The following C15orf40 variants were observed in gnomAD, a reference collection of about 807,000 sequenced individuals.
The protein encoded by C15orf40 is UPF0235 protein C15orf40.
A neutral mutation model predicts 13.9 loss-of-function variants in C15orf40; 9 were observed. The ratio of observed to expected loss-of-function variants is 0.65; its 90% confidence interval spans 0.39 to 1.13. The LOEUF (loss-of-function observed/expected upper bound fraction) is 1.13, where lower values mean the gene tolerates loss of function less well. C15orf40 is among the 50% of genes most tolerant of loss of function. The probability of loss-of-function intolerance (pLI) is 0.01; values close to 1 mark genes in which losing one functional copy is unlikely to be tolerated. For missense variants in C15orf40, 225 were observed against 188.5 expected (o/e 1.19, Z -1.13); for synonymous variants, 95 against 69.2 (o/e 1.37, Z -1.85).
At chr15:83,007,717 C>A (rs1052577347) in intron 3 of C15orf40, 7 of 150,814 alleles carry the variant, frequency 4.6e-5, no homozygotes, top group African/African-American at 1.7e-4. Flanking sequence ...ATGATGAAAC[C>A]CCGTCTCTAC....
At position 83,010,335 on chromosome 15, in the gene C15orf40, C is replaced by G; in HGVS notation, c.140G>C (p.Arg47Thr). Residue 47 changes from arginine to threonine, a missense_variant, in exon 2 of 4, where the codon AGA (arginine) becomes ACA (threonine). Transcript: ENST00000304177. ...KGKSQSKEPE[R>T]PLPPLGPVAV... ...CACAGGACCTAAGGGAGGAAGTGGT[C>G]TCTCTGGTTCCTTGCTCTGGCTTTT... is the stretch of plus-strand genomic sequence containing the variant. The G allele has an allele frequency of 6.2e-7, 1 of 1,614,146 alleles. No homozygotes were observed. Among genetic ancestry groups the G allele is most frequent in the Admixed American group, 1.7e-5 (1 of 60,030 alleles).
chr15:83,008,614 A>G lies in C15orf40; in HGVS notation c.300T>C (p.Asn100=). ...TGGAAAGATACCGACAGAGCTCAGC[A>G]TTAGCCTCTCCCTCTGATGGAGGTG... ...IAAPPSEGEA[N]AELCRYLSKV... is the part of the protein sequence containing the mutation. Residue 100 remains asparagine, a synonymous_variant, in exon 3 of 4, where the codon AAT becomes AAC. Coordinates refer to ENST00000304177, the MANE Select transcript of C15orf40 (RefSeq NM_144597.3). The G allele has an allele frequency of 6.2e-7, 1 of 1,614,018 alleles. No individual in the cohort carries two copies. Among genetic ancestry groups the G allele is most frequent in the Non-Finnish European group, 8.5e-7 (1 of 1,180,000 alleles).
chr15:82,992,574 A>C (rs1053502508), downstream of C15orf40, among the ~76,000 whole-genome samples: 2 of 151,912 alleles, frequency 1.3e-5, no homozygotes, highest in African/African-American at 4.9e-5. Flanking sequence ...ACTGACCAGT[A>C]GTTGGGACAG....
rs920196457 is a variant in C15orf40, at chr15:83,000,514, C to T, written c.*5083G>A. 2.6e-5 allele frequency: 4 copies of T among 152,302 alleles called. No homozygotes were observed. The highest frequency in any genetic ancestry group is 4.1e-4 in the South Asian group (2 of 4,824). The allele number at this position is 152,302 out of a possible 1,614,324, so 9.4% of individuals were successfully genotyped here. On this transcript the variant is annotated 3_prime_UTR_variant, in exon 4 of 4. Transcript: ENST00000304177. ...CGAGAAGGATCACAGCATGTGAGCC[C>T]GTAGTCAGGCACTGCAGACTACCTA...
At chr15:83,007,188 T>C (rs1245058248) in intron 3 of C15orf40, among the ~76,000 whole-genome samples, 1 of 152,212 alleles carries the variant, frequency 6.6e-6, no homozygotes, top group Admixed American at 6.5e-5. Flanking sequence ...ACCATATTAA[T>C]GACATCATAT....
At chr15:83,009,327 C>T (rs1567095189) in intron 2 of C15orf40, among the ~76,000 whole-genome samples, 1 of 152,160 alleles carries the variant, frequency 6.6e-6, no homozygotes, top group Non-Finnish European at 1.5e-5. Context: ...ACAAATGAGC[C>T]ATGGCATCCA....
At chr15:82,991,901 C>T, downstream of C15orf40, 3 of 1,289,024 alleles carry the variant, frequency 2.3e-6, no homozygotes, top group South Asian at 3.7e-5. Context: ...AGAATCTTCT[C>T]TGAAAGCAGA....
downstream of C15orf40, chr15:82,991,939 G>A (rs1323726719): frequency 7.8e-7 from 1 of 1,288,258 alleles, no homozygotes; most frequent in Admixed American, 2.3e-5. Flanking sequence ...CACCTGGTTG[G>A]GTATGGTGGC....
Position 83,010,354 on chromosome 15 carries a change from G to C in C15orf40, c.121C>G (p.Gln41Glu). ...AGTGGTCTCTCTGGTTCCTTGCTCT[G>C]GCTTTTACCCTAAAATGACAACCAC... ...KAGATTKGKSQSKEPERPLPP... is the reference protein window; with the variant it reads ...KAGATTKGKSESKEPERPLPP... The change falls in exon 2 of 4, where the codon CAG becomes GAG. Residue 41 changes from glutamine to glutamate, a missense_variant. By Grantham distance (29) the Gln-to-Glu change is conservative. Coordinates refer to ENST00000304177, the MANE Select transcript of C15orf40 (RefSeq NM_144597.3). The C allele has an allele frequency of 6.2e-7, 1 of 1,614,144 alleles. No homozygotes were observed. Among genetic ancestry groups the C allele is most frequent in the East Asian group, 2.2e-5 (1 of 44,882 alleles).
chr15:83,010,132 G>A (rs2031913579), intron 2 of C15orf40, 105 bp downstream of exon 2: 1 of 1,455,396 alleles, frequency 6.9e-7, no homozygotes, highest in Non-Finnish European at 9.3e-7. Context: ...CTGCAGATGT[G>A]AAAAATCAAC....
At position 82,995,927 on chromosome 15, in the gene C15orf40, T is replaced by C. The variant is rs549591005; in HGVS notation, c.*9670A>G. ...CAGGTTCGTATATAAGAGTGAGTTA[T>C]CTGTGGGCTGCTTAGGTGCAAGAAG... On this transcript the variant is annotated 3_prime_UTR_variant, in exon 4 of 4. Transcript: ENST00000304177. 1 of 152,410 alleles carries C rather than the reference T, an allele frequency of 6.6e-6. No individual in the cohort carries two copies. The highest frequency in any genetic ancestry group is 1.5e-5 in the Non-Finnish European group (1 of 68,072). The allele number at this position is 152,410 out of a possible 1,614,324, so 9.4% of individuals were successfully genotyped here. A position where few individuals can be genotyped will look rare whatever the true frequency, so the allele number is the denominator to read the frequency against.
In C15orf40 at chr15:82,999,032, C is replaced by T. The variant is rs971194396; in HGVS notation, c.*6565G>A. 12 of 156,930 alleles carry T rather than the reference C, an allele frequency of 7.6e-5. No individual in the cohort carries two copies. Among genetic ancestry groups the T allele is most frequent in the East Asian group, 3.9e-4 (2 of 5,172 alleles). 9.7% of individuals were successfully genotyped at this position (156,930 alleles called of 1,614,324 possible). A position where few individuals can be genotyped will look rare whatever the true frequency, so the allele number is the denominator to read the frequency against. The stretch of plus-strand genomic sequence containing the variant: ...AAAACCAGTCAGGCGTGGCGGCGCG[C>T]GCCTGCAATCACAGGCACTGGGCAG... On this transcript the variant is annotated 3_prime_UTR_variant, in exon 4 of 4. Transcript: ENST00000304177.
Position 82,998,269 on chromosome 15 carries a change from G to A in C15orf40, c.*7328C>T, listed in dbSNP as rs1181645773. ...GGGGTGGCTGGCCGGGCGGGGGACT[G>A]ACCCCCCCCCACCTCCCTCCCGGAC... On this transcript the variant is annotated 3_prime_UTR_variant, in exon 4 of 4. Transcript: ENST00000304177. 7 of 129,624 alleles carry A rather than the reference G, an allele frequency of 5.4e-5. No individual in the cohort carries two copies. The highest frequency in any genetic ancestry group is 1.9e-4 in the African/African-American group (5 of 26,962). 8.0% of individuals were successfully genotyped at this position (129,624 alleles called of 1,614,324 possible).
downstream of C15orf40, chr15:82,989,180 A>T: frequency 6.2e-7 from 1 of 1,612,612 alleles, no homozygotes; most frequent in Non-Finnish European, 8.5e-7. Flanking sequence ...AAAGAAACAG[A>T]GGCAATCGGT....
Position 82,999,028 on chromosome 15 carries a change from C to G in C15orf40, c.*6569G>C, listed in dbSNP as rs2031283627. The stretch of plus-strand genomic sequence containing the variant: ...CACCAAAACCAGTCAGGCGTGGCGG[C>G]GCGCGCCTGCAATCACAGGCACTGG... On this transcript the variant is annotated 3_prime_UTR_variant, in exon 4 of 4. Transcript: ENST00000304177. 1 of 158,036 alleles carries G rather than the reference C, an allele frequency of 6.3e-6. No individual in the cohort carries two copies. Among genetic ancestry groups the G allele is most frequent in the South Asian group, 1.5e-4 (1 of 6,468 alleles). 9.8% of individuals were successfully genotyped at this position (158,036 alleles called of 1,614,324 possible). A position where few individuals can be genotyped will look rare whatever the true frequency, so the allele number is the denominator to read the frequency against.
rs1192585212 is a variant in C15orf40, at chr15:83,004,307, T to C, written c.*1290A>G. On this transcript the variant is annotated 3_prime_UTR_variant, in exon 4 of 4. Coordinates refer to ENST00000304177, the MANE Select transcript of C15orf40 (RefSeq NM_144597.3). ...AGCAATTTTTATTATTGTTCTTCCT[T>C]GTGGATTTTGTTTTTAATGATTTGG... The C allele has an allele frequency of 5.1e-6, 5 of 984,840 alleles. No homozygotes were observed. Among genetic ancestry groups the C allele is most frequent in the Non-Finnish European group, 6.0e-6 (5 of 829,566 alleles). 61.0% of individuals were successfully genotyped at this position (984,840 alleles called of 1,614,324 possible).
downstream of C15orf40, chr15:82,991,193 A>G (rs987005472): frequency 6.5e-6 from 1 of 152,986 alleles, no homozygotes; most frequent in African/African-American, 2.4e-5. Context: ...ACATAGGTCA[A>G]AGGAATTAAC....
Position 83,005,613 on chromosome 15 carries a change from T to G in C15orf40, c.446A>C (p.Glu149Ala). ...PEEILEKLKK[E>A]AKKT ...TTCTTGCTTTTATGTTTTTTTGGCT[T>G]CCTTTTTTAATTTCTCCAAGATCTC... is the stretch of plus-strand genomic sequence containing the variant. Residue 149 changes from glutamate to alanine, a missense_variant, in exon 4 of 4, where the codon GAA becomes GCA. Glu to Ala is a moderately radical substitution (Grantham distance 107). Coordinates refer to ENST00000304177, the MANE Select transcript of C15orf40 (RefSeq NM_144597.3). 6.2e-7 allele frequency: 1 copy of G among 1,611,220 alleles called. No homozygotes were observed. The highest frequency in any genetic ancestry group is 1.1e-5 in the South Asian group (1 of 90,874).
downstream of C15orf40, among the ~76,000 whole-genome samples, chr15:82,991,438 G>A (rs539591258): frequency 6.6e-6 from 1 of 152,082 alleles, no homozygotes; most frequent in Non-Finnish European, 1.5e-5. Flanking sequence ...CCAGCTACTC[G>A]GGAGGCTGAG....
Sources: allele counts gnomAD v4.1 joint callset (sites outside exome capture counted in the v4.1 genomes callset), GRCh38; gene constraint gnomAD v4.1.1; transcripts MANE v1.5; gene names NCBI Gene and HGNC (gene_info 2026-07-23, HGNC 2026-07-21).